Variants in OR3A1 observed in about 807,000 individuals in gnomAD.
The protein encoded by OR3A1 is olfactory receptor family 3 subfamily A member 1, also known as olfactory receptor 3A1.
For synonymous variants in OR3A1, 145 were observed against 160.0 expected (o/e 0.91, Z 0.71); for missense variants, 402 against 393.8 (o/e 1.02, Z -0.18).
rs1221996132 is a variant in OR3A1, at chr17:3,291,044, G to C, written c.*591C>G. On this transcript the variant is annotated 3_prime_UTR_variant, in exon 2 of 2. Coordinates refer to ENST00000323404, the MANE Select transcript of OR3A1 (RefSeq NM_002550.3). ...CTGCACACAGGTATCAGGTGCTCCAGAATTACTAGAGAATACATAATCATA... is the reference window on the plus strand; with the variant it reads ...CTGCACACAGGTATCAGGTGCTCCACAATTACTAGAGAATACATAATCATA... 1.3e-5 allele frequency: 2 copies of C among 152,212 alleles called. No homozygotes were observed. Among genetic ancestry groups the C allele is most frequent in the Non-Finnish European group, 2.9e-5 (2 of 68,064 alleles). 9.4% of individuals were successfully genotyped at this position (152,212 alleles called of 1,614,324 possible).
intron 1 of OR3A1, among the ~76,000 whole-genome samples, chr17:3,295,469 T>C (rs1269410482): frequency 1.3e-5 from 2 of 152,050 alleles, no homozygotes; most frequent in African/African-American, 4.8e-5. Context: ...AAAAAAATCT[T>C]CTAAAATATA....
At chr17:3,294,736 G>T (rs895608576) in intron 1 of OR3A1, among the ~76,000 whole-genome samples, 3 of 152,118 alleles carry the variant, frequency 2.0e-5, no homozygotes, top group African/African-American at 7.2e-5. Context: ...AATTAAGGTA[G>T]CATATCATTT....
rs776053776 is a variant in OR3A1, at chr17:3,292,232, C to A, written c.351G>T (p.Leu117=). 1.9e-6 allele frequency: 3 copies of A among 1,614,112 alleles called. No individual in the cohort carries two copies. In the Admixed American group the frequency reaches 5.0e-5, roughly 27 times the overall value. Reference sequence around the variant, plus strand: ...ATCGGTCATAGGCCATGGCGGTCAGCAGGAAGCAGTCCACTCCAACGAACA... The same window carrying A: ...ATCGGTCATAGGCCATGGCGGTCAGAAGGAAGCAGTCCACTCCAACGAACA... ...FHLFVGVDCF[L]LTAMAYDRFL... The change falls in exon 2 of 2, where the codon CTG becomes CTT. Residue 117 remains leucine (L), a synonymous_variant. Coordinates refer to ENST00000323404, the MANE Select transcript of OR3A1 (RefSeq NM_002550.3).
In OR3A1 at chr17:3,292,067, A is replaced by G. The variant is rs768685555; in HGVS notation, c.516T>C (p.Cys172=). 3 of 1,614,106 alleles carry G rather than the reference A, an allele frequency of 1.9e-6. No homozygotes were observed. Residue 172 remains cysteine (C), a synonymous_variant, in exon 2 of 2, where the codon TGT becomes TGC. Transcript: ENST00000323404. The part of the protein sequence containing the change: ...HTVAMSTLNF[C]GPNVINHFYC... ...AGAAGTGATTGATCACATTGGGGCC[A>G]CAGAAGTTGAGCGTGGACATGGCCA... is the stretch of plus-strand genomic sequence containing the variant.
At chr17:3,294,356 AT>A (rs1001584290) in intron 1 of OR3A1, among the ~76,000 whole-genome samples, 1 of 152,030 alleles carries the variant, frequency 6.6e-6, no homozygotes, top group African/African-American at 2.4e-5. Context: ...GAAACAATAC[AT>A]GGAAAAAAAT....
Position 3,292,423 on chromosome 17 carries a change from C to T in OR3A1, c.160G>A (p.Val54Met), listed in dbSNP as rs1409301712. 1 of 1,613,980 alleles carries T rather than the reference C, an allele frequency of 6.2e-7. No individual in the cohort carries two copies. Among genetic ancestry groups the T allele is most frequent in the Admixed American group, 1.7e-5 (1 of 60,004 alleles). Residue 54 changes from valine to methionine, a missense_variant, in exon 2 of 2, where the codon GTG (valine) becomes ATG (methionine). By Grantham distance (21) the Val-to-Met change is conservative. Transcript: ENST00000323404. ...ATGGGGGTGTGGAGTTTGGGCTCCA[C>T]CAAGACAGCTGCCAGGATGCTGAGG... Reference protein sequence around the residue: ...GNLSILAAVLVEPKLHTPMYF... With the variant: ...GNLSILAAVLMEPKLHTPMYF...
chr17:3,292,351 T>C lies in OR3A1; in HGVS notation c.232A>G (p.Ser78Gly), dbSNP rs16952828. 1.9e-3 allele frequency: 3,046 copies of C among 1,614,030 alleles called. 61 individuals carry two copies. In the African/African-American group the frequency reaches 0.037, roughly 20 times the overall value. Reference protein sequence around the residue: ...NLSVLDVGCISVTVPSMLSRL... With the variant: ...NLSVLDVGCIGVTVPSMLSRL... ...CTCAACATTGATGGAACAGTGACGCTGATGCACCCAACATCCAGCACTGAT... is the reference window on the plus strand; with the variant it reads ...CTCAACATTGATGGAACAGTGACGCCGATGCACCCAACATCCAGCACTGAT... The change falls in exon 2 of 2, where the codon AGC (serine) becomes GGC (glycine). Residue 78 changes from serine (S) to glycine (G), a missense_variant. By Grantham distance (56) the Ser-to-Gly change is moderately conservative. Coordinates refer to ENST00000323404, the MANE Select transcript of OR3A1 (RefSeq NM_002550.3).
rs1336974312 is a variant in OR3A1, at chr17:3,292,510, C to T, written c.73G>A (p.Gly25Arg). The T allele has an allele frequency of 6.2e-7, 1 of 1,614,004 alleles. No homozygotes were observed. The highest frequency in any genetic ancestry group is 1.1e-5 in the South Asian group (1 of 91,078). Residue 25 changes from glycine to arginine, a missense_variant, in exon 2 of 2, where the codon GGG becomes AGG. Physicochemically the swap from Gly to Arg is moderately radical, Grantham distance 125. Coordinates refer to ENST00000323404, the MANE Select transcript of OR3A1 (RefSeq NM_002550.3). ...FILLGLLEAP[G>R]LQPVVFVLFL... ...AGCACAAAGACAACTGGCTGCAGCC[C>T]TGGCGCCTCCAGCAAGCCCAGCAGG...
Position 3,292,502 on chromosome 17 carries a change from C to G in OR3A1, c.81G>C (p.Gln27His). ...LLGLLEAPGL[Q>H]PVVFVLFLFA... The stretch of plus-strand genomic sequence containing the variant: ...AGAGGAAGAGCACAAAGACAACTGG[C>G]TGCAGCCCTGGCGCCTCCAGCAAGC... Residue 27 changes from glutamine (Q) to histidine (H), a missense_variant, in exon 2 of 2, where the codon CAG becomes CAC. Gln to His is a conservative substitution (Grantham distance 24, BLOSUM62 0). Transcript: ENST00000323404. 6.2e-7 allele frequency: 1 copy of G among 1,613,932 alleles called. No individual in the cohort carries two copies. The highest frequency in any genetic ancestry group is 8.5e-7 in the Non-Finnish European group (1 of 1,179,980).
rs138933169 is a variant in OR3A1 at position 3,297,557 on chromosome 17, G to A, written c.-7+726C>T. Among the ~76,000 whole-genome samples, 806 of 150,214 alleles carry A rather than the reference G, an allele frequency of 5.4e-3. 39 individuals are homozygous for A. The highest frequency in any genetic ancestry group is 0.019 in the African/African-American group (767 of 39,660). ...CATATTCCTGTCCACTAAACTCTGC[G>A]GCACTTTAATTGTATACTTTACGGC... On this transcript the variant is annotated intron_variant, in intron 1 of 1. Coordinates refer to ENST00000323404, the MANE Select transcript of OR3A1 (RefSeq NM_002550.3).
At chr17:3,297,284 A>G (rs931878640) in intron 1 of OR3A1, among the ~76,000 whole-genome samples, 6 of 152,224 alleles carry the variant, frequency 3.9e-5, no homozygotes, top group African/African-American at 1.2e-4. Flanking sequence ...GTGAATTGAC[A>G]TATCTATAGG....
At position 3,292,038 on chromosome 17, in the gene OR3A1, C is replaced by T. The variant is rs2048875708; in HGVS notation, c.545G>A (p.Cys182Tyr). ...GAGCTGGAAGAGCTGTGGGAGGTCA[C>T]AGTAGAAGTGATTGATCACATTGGG... Reference protein sequence around the residue: ...CGPNVINHFYCDLPQLFQLSC... With the variant: ...CGPNVINHFYYDLPQLFQLSC... Residue 182 changes from cysteine (C) to tyrosine (Y), a missense_variant, in exon 2 of 2, where the codon TGT becomes TAT. Cys to Tyr is a radical substitution (Grantham distance 194). Coordinates refer to ENST00000323404, the MANE Select transcript of OR3A1 (RefSeq NM_002550.3). 8.7e-6 allele frequency: 14 copies of T among 1,614,164 alleles called. No homozygotes were observed. The highest frequency in any genetic ancestry group is 1.1e-5 in the Non-Finnish European group (13 of 1,180,042).
rs924401213 is a variant in OR3A1 at position 3,291,785 on chromosome 17, A to G, written c.798T>C (p.Gly266=). ...TATCCTTGTCTGAAAGCTTGGTTGA[A>G]CCCAGTCGCATATAGTTAAAGATAC... The part of the protein sequence containing the change: ...GSGIFNYMRL[G]STKLSDKDKA... Residue 266 remains glycine (G), a synonymous_variant, in exon 2 of 2, where the codon GGT becomes GGC. Coordinates refer to ENST00000323404, the MANE Select transcript of OR3A1 (RefSeq NM_002550.3). 1 of 1,613,620 alleles carries G rather than the reference A, an allele frequency of 6.2e-7. No homozygotes were observed. Among genetic ancestry groups the G allele is most frequent in the Non-Finnish European group, 8.5e-7 (1 of 1,179,636 alleles).
intron 1 of OR3A1, among the ~76,000 whole-genome samples, chr17:3,295,481 G>A (rs1431319133): frequency 1.3e-5 from 2 of 152,152 alleles, no homozygotes; most frequent in African/African-American, 4.8e-5. Flanking sequence ...TAAAATATAA[G>A]AGGAAGGATG....
rs2048882251 is a variant in OR3A1, at chr17:3,292,331, C to T, written c.252G>A (p.Met84Ile). 6.2e-7 allele frequency: 1 copy of T among 1,614,148 alleles called. No individual in the cohort carries two copies. The highest frequency in any genetic ancestry group is 8.5e-7 in the Non-Finnish European group (1 of 1,180,018). The change falls in exon 2 of 2, where the codon ATG becomes ATA. Residue 84 changes from methionine (M) to isoleucine (I), a missense_variant. Transcript: ENST00000323404. ...VGCISVTVPS[M>I]LSRLLSRKRA... ...GCTTGCGGGACAGGAGACGACTCAACATTGATGGAACAGTGACGCTGATGC... is the reference window on the plus strand; with the variant it reads ...GCTTGCGGGACAGGAGACGACTCAATATTGATGGAACAGTGACGCTGATGC...
chr17:3,296,483 A>G (rs1178635496), intron 1 of OR3A1, among the ~76,000 whole-genome samples: 2 of 152,176 alleles, frequency 1.3e-5, no homozygotes, highest in Non-Finnish European at 2.9e-5. Context: ...CAGAGCTAAT[A>G]AACAAGTTCA....
At chr17:3,294,474 C>T (rs569141352) in intron 1 of OR3A1, among the ~76,000 whole-genome samples, 3 of 151,938 alleles carry the variant, frequency 2.0e-5, no homozygotes, top group Non-Finnish European at 4.4e-5. Flanking sequence ...TATGTACATT[C>T]GAGTTACCAA....
chr17:3,293,539 G>C (rs1266538450), intron 1 of OR3A1, among the ~76,000 whole-genome samples: 2 of 152,114 alleles, frequency 1.3e-5, no homozygotes, highest in Non-Finnish European at 2.9e-5. Context: ...AAAAACTCAT[G>C]TCATTTAAGG....
intron 1 of OR3A1, among the ~76,000 whole-genome samples, chr17:3,296,074 C>T (rs9652830): frequency 6.6e-6 from 1 of 151,948 alleles, no homozygotes; most frequent in East Asian, 1.9e-4. Context: ...CCTTAAAGTG[C>T]CCATGAAACA....
Sources: allele counts gnomAD v4.1 joint callset (sites outside exome capture counted in the v4.1 genomes callset), GRCh38; gene constraint gnomAD v4.1.1; transcripts MANE v1.5; gene names NCBI Gene and HGNC (gene_info 2026-07-23, HGNC 2026-07-21).